The following CYYR1 variants were observed in gnomAD, a reference collection of about 807,000 sequenced individuals.
CYYR1 encodes cysteine and tyrosine rich 1.
In CYYR1, 14 loss-of-function variants were observed where a neutral mutation model predicts 15.2. That is an observed-to-expected ratio of 0.92 (90% CI 0.61 to 1.44). CYYR1 has a LOEUF of 1.44. CYYR1 is among the 40% of genes most tolerant of loss of function. The pLI is 0.00. For synonymous variants in CYYR1, 80 were observed against 77.4 expected (o/e 1.03, Z -0.18); for missense variants, 228 against 209.5 (o/e 1.09, Z -0.54).
chr21:26,516,895 C>G (rs2065734115), intron 2 of CYYR1, among the ~76,000 whole-genome samples: 1 of 151,498 alleles, frequency 6.6e-6, no homozygotes, highest in Admixed American at 6.6e-5. Context: ...GCGGGCGGAT[C>G]ACGAGGTCAG....
At chr21:26,504,335 A>G (rs1421196103) in intron 2 of CYYR1, among the ~76,000 whole-genome samples, 1 of 151,944 alleles carries the variant, frequency 6.6e-6, no homozygotes, top group Non-Finnish European at 1.5e-5. Context: ...CAGTGGTGCC[A>G]TCTTGGCTCA....
At chr21:26,523,434 A>G (rs2065826908) in intron 2 of CYYR1, among the ~76,000 whole-genome samples, 1 of 152,192 alleles carries the variant, frequency 6.6e-6, no homozygotes, top group African/African-American at 2.4e-5. Flanking sequence ...AATACCAATC[A>G]GATCATTCCA....
At chr21:26,478,228 C>A in intron 3 of CYYR1, 1 of 1,469,674 alleles carries the variant, frequency 6.8e-7, no homozygotes, top group Non-Finnish European at 9.2e-7. Context: ...GGATAAAAAG[C>A]AGAGCAGCAC....
chr21:26,527,898 A>T (rs955534740), intron 2 of CYYR1, among the ~76,000 whole-genome samples: 4 of 152,318 alleles, frequency 2.6e-5, no homozygotes, highest in Admixed American at 2.6e-4. Context: ...TTACCTTTTT[A>T]AAAATGACAA....
intron 1 of CYYR1, among the ~76,000 whole-genome samples, chr21:26,572,021 C>T (rs1981037692): frequency 6.6e-6 from 1 of 152,166 alleles, no homozygotes; most frequent in Non-Finnish European, 1.5e-5. Flanking sequence ...TTTTGAGTAT[C>T]AAAGGTAAAT....
intron 3 of CYYR1, chr21:26,470,924 C>T (rs1228322181): frequency 1.3e-5 from 2 of 152,264 alleles, no homozygotes; most frequent in East Asian, 1.9e-4. Flanking sequence ...TTGCAAGTCT[C>T]TAGTGCGCTG....
At chr21:26,532,290 T>C (rs2065941565) in intron 2 of CYYR1, among the ~76,000 whole-genome samples, 1 of 152,072 alleles carries the variant, frequency 6.6e-6, no homozygotes, top group Non-Finnish European at 1.5e-5. Flanking sequence ...ATAGACAACA[T>C]GGTGAAAATG....
In CYYR1 at chr21:26,467,095, T is replaced by A. The variant is rs2064977452; in HGVS notation, c.*1406A>T. The stretch of plus-strand genomic sequence containing the variant: ...CATTCAGCAAAATTCTTGGCACTGT[T>A]TTGGGATTTCACTGAATTTTGATGA... On this transcript the variant is annotated 3_prime_UTR_variant, in exon 4 of 4. Coordinates refer to ENST00000652641, the MANE Select transcript of CYYR1 (RefSeq NM_001320768.2). 1 of 152,172 alleles carries A rather than the reference T, an allele frequency of 6.6e-6. No individual in the cohort carries two copies. The allele number at this position is 152,172 out of a possible 1,614,324, so 9.4% of individuals were successfully genotyped here.
chr21:26,483,327 TTC>T, intron 2 of CYYR1: 1 of 381,288 alleles, frequency 2.6e-6, no homozygotes, highest in Non-Finnish European at 3.6e-6. Flanking sequence ...CCTGTCTGGG[TTC>T]TTTTTTATTG....
chr21:26,489,479 A>C (rs2065296533), intron 2 of CYYR1, among the ~76,000 whole-genome samples: 1 of 152,070 alleles, frequency 6.6e-6, no homozygotes, highest in African/African-American at 2.4e-5. Context: ...AGTCGAATAC[A>C]TATGATTCAA....
At chr21:26,493,408 T>C (rs1005704032) in intron 2 of CYYR1, among the ~76,000 whole-genome samples, 6 of 152,086 alleles carry the variant, frequency 3.9e-5, no homozygotes, top group African/African-American at 1.2e-4. Context: ...AAGACTTAAC[T>C]TGGCAATGGC....
At chr21:26,514,621 C>T (rs1164195510) in intron 2 of CYYR1, among the ~76,000 whole-genome samples, 1 of 152,088 alleles carries the variant, frequency 6.6e-6, no homozygotes, top group Non-Finnish European at 1.5e-5. Context: ...CAAAAGTGGC[C>T]CTAGTTTCCT....
chr21:26,510,670 A>G (rs1569154188), intron 2 of CYYR1, among the ~76,000 whole-genome samples: 1 of 152,184 alleles, frequency 6.6e-6, no homozygotes, highest in Non-Finnish European at 1.5e-5. Flanking sequence ...GAATGTATTT[A>G]AGGATATATT....
intron 2 of CYYR1, among the ~76,000 whole-genome samples, chr21:26,547,429 T>C (rs1166465293): frequency 6.6e-6 from 1 of 152,190 alleles, no homozygotes; most frequent in Non-Finnish European, 1.5e-5. Context: ...TGGTCTGTTT[T>C]GTGGGCCCAA....
chr21:26,542,284 T>TGC (rs1569167444), intron 2 of CYYR1, among the ~76,000 whole-genome samples: 1 of 80,626 alleles, frequency 1.2e-5, no homozygotes, highest in African/African-American at 3.8e-5. Flanking sequence ...AATATGTGTG[T>TGC]GTGTGCGTGT....
chr21:26,527,457 G>T (rs1422811584), intron 2 of CYYR1, among the ~76,000 whole-genome samples: 3 of 151,920 alleles, frequency 2.0e-5, no homozygotes, highest in Non-Finnish European at 2.9e-5. Flanking sequence ...AACCTCAAAG[G>T]TTAGAAAGCC....
chr21:26,557,165 T>G (rs771866693), intron 2 of CYYR1, among the ~76,000 whole-genome samples: 4 of 152,206 alleles, frequency 2.6e-5, no homozygotes, highest in Non-Finnish European at 5.9e-5. Context: ...AATTAACTTA[T>G]ATGTTTTACA....
intron 2 of CYYR1, among the ~76,000 whole-genome samples, chr21:26,526,363 G>T (rs992303787): frequency 5.7e-4 from 86 of 151,994 alleles, no homozygotes; most frequent in Non-Finnish European, 1.1e-3. Flanking sequence ...CAGGAGATTC[G>T]CTTGAAACTG....
At chr21:26,542,835 AAAC>A (rs1320342563) in intron 2 of CYYR1, among the ~76,000 whole-genome samples, 3 of 152,222 alleles carry the variant, frequency 2.0e-5, no homozygotes, top group African/African-American at 4.8e-5. Flanking sequence ...CTGCAGCAAC[AAAC>A]AACTAGAAAA....
Sources: gnomAD v4.1 joint callset for allele counts (sites outside exome capture counted in the v4.1 genomes callset) on GRCh38, gnomAD v4.1.1 for gene constraint, MANE v1.5 for transcripts, NCBI Gene and HGNC (gene_info 2026-07-23, HGNC 2026-07-21) for gene names.